The following SCGB2A2 variants were observed in gnomAD, a reference collection of about 807,000 sequenced individuals.
SCGB2A2 encodes the protein secretoglobin family 2A member 2.
In SCGB2A2, 11 loss-of-function variants were observed where a neutral mutation model predicts 8.8. The ratio of observed to expected loss-of-function variants is 1.25; its 90% confidence interval spans 0.79 to 2.07. The LOEUF is 2.07. Among genes scored for constraint, SCGB2A2 ranks in the 30% most tolerant of loss-of-function variants. The probability of loss-of-function intolerance (pLI) is 0.00; values close to 1 mark genes in which losing one functional copy is unlikely to be tolerated. For missense variants in SCGB2A2, 113 were observed against 109.9 expected, an observed-to-expected ratio of 1.03 and a Z score of -0.13; for synonymous variants, 42 against 40.9, an observed-to-expected ratio of 1.03 and a Z score of -0.10.
At chr11:62,272,809 A>G (rs1220098603) in intron 2 of SCGB2A2, 148 bp from the exon 3 acceptor site, 2 of 504,590 alleles carry the variant, frequency 4.0e-6, no homozygotes, top group African/African-American at 3.9e-5. Context: ...ATCCAGAAAC[A>G]ACAGCTCTTC....
intron 2 of SCGB2A2, chr11:62,272,042 T>TAAAAAA (rs71053028): frequency 0.022 from 4,754 of 211,992 alleles, 37 homozygotes; most frequent in African/African-American, 0.031. Flanking sequence ...CCTTCCCTGG[T>TAAAAAA]AAAAAAAAAA....
intron 1 of SCGB2A2, 73 bp from the exon 2 acceptor site, chr11:62,270,808 G>C: frequency 9.2e-7 from 1 of 1,087,776 alleles, no homozygotes; most frequent in Non-Finnish European, 1.4e-6. Flanking sequence ...AAGAAGATGA[G>C]GAATGTAATA....
Position 62,270,905 on chromosome 11 carries a change from A to G in SCGB2A2, c.80A>G (p.Asn27Ser). Reference protein sequence around the residue: ...YAGSGCPLLENVISKTINPQV... With the variant: ...YAGSGCPLLESVISKTINPQV... ...GGCTCTGGCTGCCCCTTATTGGAGA[A>G]TGTGATTTCCAAGACAATCAATCCA... Residue 27 changes from asparagine to serine, a missense_variant, in exon 2 of 3, where the codon AAT (asparagine) becomes AGT (serine). By Grantham distance (46) the Asn-to-Ser change is conservative. Coordinates refer to ENST00000227918, the MANE Select transcript of SCGB2A2 (RefSeq NM_002411.4). 1 of 1,614,006 alleles carries G rather than the reference A, an allele frequency of 6.2e-7. No individual in the cohort carries two copies. The highest frequency in any genetic ancestry group is 1.1e-5 in the South Asian group (1 of 91,074).
intron 2 of SCGB2A2, chr11:62,271,293 G>A (rs1945277476): frequency 1.4e-6 from 2 of 1,447,170 alleles, no homozygotes; most frequent in South Asian, 1.5e-5. Context: ...TAAATGAATA[G>A]GGCAAGAGAG....
Position 62,270,199 on chromosome 11 carries a change from G to A in SCGB2A2, c.-18G>A, listed in dbSNP as rs368557882. ...TCCTTGCCACCCGCGACTGAACACC[G>A]ACAGCAGCAGCCTCACCATGAAGTT... On this transcript the variant is annotated 5_prime_UTR_variant, in exon 1 of 3. Transcript: ENST00000227918. 103 of 1,613,496 alleles carry A rather than the reference G, an allele frequency of 6.4e-5. No homozygotes were observed. Among genetic ancestry groups the A allele is most frequent in the Admixed American group, 5.7e-4 (34 of 60,000 alleles).
At chr11:62,270,308 G>T in intron 1 of SCGB2A2, 37 bp downstream of exon 1, 2 of 1,603,210 alleles carry the variant, frequency 1.2e-6, no homozygotes, top group Non-Finnish European at 1.7e-6. Context: ...TCGGGGTTAG[G>T]GGTTGTCACT....
In SCGB2A2 at chr11:62,272,042, TAAAAAAAAA is replaced by T. The variant is rs71053028; in HGVS notation, c.244-902_244-894del. The T allele has an allele frequency of 5.0e-4, 107 of 215,054 alleles. 2 individuals carry two copies. Among genetic ancestry groups the T allele is most frequent in the Non-Finnish European group, 6.3e-4 (103 of 163,220 alleles). The allele number at this position is 215,054 out of a possible 1,614,324, so 13.3% of individuals were successfully genotyped here. A position where few individuals can be genotyped will look rare whatever the true frequency, so the allele number is the denominator to read the frequency against. On this transcript the variant is annotated intron_variant, in intron 2 of 2. Transcript: ENST00000227918. ...AAATTCTTCTTTAATCCTTCCCTGG[TAAAAAAAAA>T]AAAAAAAAAAAAGTTAGAAATATAC...
In SCGB2A2 at chr11:62,271,124, G is replaced by A. The variant is rs568889883; in HGVS notation, c.243+56G>A. The A allele has an allele frequency of 2.5e-6, 4 of 1,611,840 alleles. No homozygotes were observed. The Admixed American group carries it at 5.0e-5, about 20-fold the overall frequency. On this transcript the variant is annotated intron_variant, in intron 2 of 2. Coordinates refer to ENST00000227918, the MANE Select transcript of SCGB2A2 (RefSeq NM_002411.4). Reference sequence around the variant, plus strand: ...AAATCCCCTGACCAGGGACAAGTGGGCTCTTCATTTCTCACTGACAATGCC... The same window carrying A: ...AAATCCCCTGACCAGGGACAAGTGGACTCTTCATTTCTCACTGACAATGCC...
chr11:62,272,557 G>A lies in SCGB2A2; in HGVS notation c.244-400G>A, dbSNP rs79292429. On this transcript the variant is annotated intron_variant, in intron 2 of 2. Coordinates refer to ENST00000227918, the MANE Select transcript of SCGB2A2 (RefSeq NM_002411.4). ...TAGTCTGCAGCTCCAATAATTAGTA[G>A]AGCACAATGGTGGTGGCAGAGGGCG... 8.0e-3 allele frequency among the ~76,000 whole-genome samples: 1,212 copies of A among 151,786 alleles called. 10 individuals are homozygous for A. Among genetic ancestry groups the A allele is most frequent in the African/African-American group, 0.028 (1,141 of 41,400 alleles).
At chr11:62,271,996 T>G (rs2134502819) in intron 2 of SCGB2A2, 1 of 839,152 alleles carries the variant, frequency 1.2e-6, no homozygotes, top group East Asian at 1.3e-4. Flanking sequence ...AGGGTTTTCT[T>G]TAGCATTTAT....
chr11:62,270,804 A>T (rs1945271000), intron 1 of SCGB2A2, 77 bp from the exon 2 acceptor site: 10 of 1,037,648 alleles, frequency 9.6e-6, no homozygotes, highest in African/African-American at 1.6e-5. Context: ...CTGTAAGAAG[A>T]TGAGGAATGT....
At chr11:62,270,336 A>G in intron 1 of SCGB2A2, 65 bp downstream of exon 1, 1 of 1,418,788 alleles carries the variant, frequency 7.0e-7, no homozygotes, top group Non-Finnish European at 9.9e-7. Context: ...CTATGGAAGA[A>G]CTCCTGCTCC....
chr11:62,270,707 A>G (rs1187155005), intron 1 of SCGB2A2, among the ~76,000 whole-genome samples, 174 bp from the exon 2 acceptor site: 5 of 152,226 alleles, frequency 3.3e-5, no homozygotes, highest in Admixed American at 2.0e-4. Flanking sequence ...TGCAGGGCTT[A>G]CAGGAAATCC....
intron 2 of SCGB2A2, 121 bp downstream of exon 2, chr11:62,271,189 T>C (rs1246024319): frequency 3.2e-6 from 5 of 1,585,190 alleles, no homozygotes; most frequent in Non-Finnish European, 4.3e-6. Context: ...CATTGGTTAA[T>C]TTAGTTGAAT....
At chr11:62,271,832 G>A in intron 2 of SCGB2A2, 2 of 984,870 alleles carry the variant, frequency 2.0e-6, no homozygotes, top group African/African-American at 1.7e-5. Context: ...GCACTTCCAG[G>A]CAATCATAAT....
chr11:62,270,368 C>T, intron 1 of SCGB2A2, 97 bp downstream of exon 1: 1 of 1,150,524 alleles, frequency 8.7e-7, no homozygotes, highest in Non-Finnish European at 1.3e-6. Flanking sequence ...CAGAGATCAG[C>T]CCCAGTACAA....
chr11:62,270,234 C>T lies in SCGB2A2; in HGVS notation c.18C>T (p.Val6=), dbSNP rs1309678800. The T allele has an allele frequency of 6.2e-7, 1 of 1,613,978 alleles. No individual in the cohort carries two copies. Among genetic ancestry groups the T allele is most frequent in the Non-Finnish European group, 8.5e-7 (1 of 1,179,976 alleles). The change falls in exon 1 of 3, where the codon GTC becomes GTT. Residue 6 remains valine, a synonymous_variant. Transcript: ENST00000227918. MKLLM[V]LMLAALSQHC... ...GCCTCACCATGAAGTTGCTGATGGT[C>T]CTCATGCTGGCGGCCCTCTCCCAGC...
chr11:62,270,442 C>T (rs1945268300), intron 1 of SCGB2A2, among the ~76,000 whole-genome samples, 171 bp downstream of exon 1: 1 of 152,142 alleles, frequency 6.6e-6, no homozygotes, highest in African/African-American at 2.4e-5. Flanking sequence ...TGAGCTCAGG[C>T]AGTCTGTCCA....
chr11:62,271,211 T>C (rs531920676), intron 2 of SCGB2A2, 143 bp downstream of exon 2: 2 of 1,541,878 alleles, frequency 1.3e-6, no homozygotes, highest in South Asian at 2.4e-5. Flanking sequence ...GTTAGTCTAA[T>C]GACTTTGCCA....
Sources: allele counts gnomAD v4.1 joint callset (sites outside exome capture counted in the v4.1 genomes callset), GRCh38; gene constraint gnomAD v4.1.1; transcripts MANE v1.5; gene names NCBI Gene and HGNC (gene_info 2026-07-23, HGNC 2026-07-21).